Variants in ADK observed in about 807,000 individuals in gnomAD.
ADK encodes the protein N6,N6-dimethyladenosine kinase.
Under a neutral mutation model 44.7 loss-of-function variants are expected in ADK, and 24 were observed. That is an observed-to-expected ratio of 0.54 (90% CI 0.39 to 0.76). ADK has a LOEUF of 0.76. Ranked by LOEUF, ADK falls within the 30% of genes least tolerant of loss-of-function variation. The probability of loss-of-function intolerance (pLI) is 0.00; values close to 1 mark genes in which losing one functional copy is unlikely to be tolerated. For synonymous variants in ADK, 128 were observed against 142.6 expected, an observed-to-expected ratio of 0.90 and a Z score of 0.73; for missense variants, 321 against 425.1, an observed-to-expected ratio of 0.76 and a Z score of 2.15.
At chr10:74,561,948 C>T (rs895036735) in intron 7 of ADK, among the ~76,000 whole-genome samples, 1 of 152,204 alleles carries the variant, frequency 6.6e-6, no homozygotes, top group Non-Finnish European at 1.5e-5. Context: ...TCTAGAGTTA[C>T]ATTTAAGTGA....
chr10:74,648,615 T>C (rs1589331571), intron 9 of ADK, among the ~76,000 whole-genome samples: 1 of 149,406 alleles, frequency 6.7e-6, no homozygotes, highest in South Asian at 2.1e-4. Context: ...GAGGCGGAGG[T>C]TGCAGTGAGC....
chr10:74,182,705 A>G (rs1386984516), intron 1 of ADK, among the ~76,000 whole-genome samples: 2 of 152,130 alleles, frequency 1.3e-5, no homozygotes, highest in Non-Finnish European at 2.9e-5. Flanking sequence ...TAATGCTCCT[A>G]TTTATGAATA....
At chr10:74,592,489 C>G (rs1283077247) in intron 8 of ADK, among the ~76,000 whole-genome samples, 2 of 152,122 alleles carry the variant, frequency 1.3e-5, no homozygotes, top group Non-Finnish European at 2.9e-5. Context: ...TTCATTGTCT[C>G]TGCAACTGAG....
intron 7 of ADK, among the ~76,000 whole-genome samples, chr10:74,574,971 G>A (rs781329893): frequency 2.6e-5 from 4 of 152,172 alleles, no homozygotes; most frequent in Non-Finnish European, 5.9e-5. Flanking sequence ...TGAAGAAGCT[G>A]ATAAACTAGG....
intron 3 of ADK, among the ~76,000 whole-genome samples, chr10:74,230,881 C>G (rs1423139572): frequency 6.6e-6 from 1 of 151,854 alleles, no homozygotes; most frequent in East Asian, 1.9e-4. Flanking sequence ...AGGGTTTCAC[C>G]ATATTGGTCA....
intron 10 of ADK, among the ~76,000 whole-genome samples, chr10:74,695,510 G>A (rs774779430): frequency 6.6e-6 from 1 of 150,520 alleles, no homozygotes; most frequent in Non-Finnish European, 1.5e-5. Context: ...GTGTGTATGT[G>A]TGTATATATG....
intron 7 of ADK, among the ~76,000 whole-genome samples, chr10:74,550,109 C>T (rs908901939): frequency 6.8e-5 from 10 of 148,038 alleles, no homozygotes; most frequent in Admixed American, 2.7e-4. Flanking sequence ...CTCATTCTGT[C>T]GCCCAGGCTG....
chr10:74,570,413 A>G (rs1182141894), intron 7 of ADK, among the ~76,000 whole-genome samples: 1 of 152,146 alleles, frequency 6.6e-6, no homozygotes, highest in Non-Finnish European at 1.5e-5. Context: ...TGAGCATGGA[A>G]TGTTCTTCCA....
chr10:74,517,839 A>C (rs2133571862), intron 6 of ADK, among the ~76,000 whole-genome samples: 1 of 152,300 alleles, frequency 6.6e-6, no homozygotes, highest in Admixed American at 6.5e-5. Flanking sequence ...CCTTTATGGC[A>C]TTCACAAGTA....
intron 3 of ADK, among the ~76,000 whole-genome samples, chr10:74,306,453 A>C (rs1840251794): frequency 6.6e-6 from 1 of 152,156 alleles, no homozygotes; most frequent in South Asian, 2.1e-4. Context: ...ACTTCCTGTG[A>C]CTGTAACCAT....
chr10:74,262,519 C>T (rs886533271), intron 3 of ADK, among the ~76,000 whole-genome samples: 1 of 152,076 alleles, frequency 6.6e-6, no homozygotes, highest in Non-Finnish European at 1.5e-5. Flanking sequence ...TGGTGTGATA[C>T]CTCAATATTG....
chr10:74,314,880 T>C (rs988726401), intron 4 of ADK, 135 bp downstream of exon 4: 11 of 678,036 alleles, frequency 1.6e-5, no homozygotes, highest in South Asian at 1.6e-4. Context: ...TTAGTAGTCA[T>C]TGCACATCTA....
chr10:74,347,721 G>A (rs1274091070), intron 4 of ADK, among the ~76,000 whole-genome samples: 2 of 152,118 alleles, frequency 1.3e-5, no homozygotes, highest in Non-Finnish European at 2.9e-5. Flanking sequence ...TGGACCATTG[G>A]GCTTGGTAGG....
chr10:74,410,883 A>T (rs1474455227), intron 6 of ADK, among the ~76,000 whole-genome samples: 3 of 152,196 alleles, frequency 2.0e-5, no homozygotes, highest in African/African-American at 7.2e-5. Context: ...CTCTTTATAT[A>T]TAGCATTAAA....
rs1018264062 is a variant in ADK, at chr10:74,679,023, G to A, written c.964+8754G>A. ...CCACAAATCTGTGGGTTGACAGCTGGGCCTGTGCTTACCTGGACAGTTCCT... is the reference window on the plus strand; with the variant it reads ...CCACAAATCTGTGGGTTGACAGCTGAGCCTGTGCTTACCTGGACAGTTCCT... On this transcript the variant is annotated intron_variant, in intron 10 of 10. Transcript: ENST00000539909. 3.3e-5 allele frequency among the ~76,000 whole-genome samples: 5 copies of A among 152,126 alleles called. No individual in the cohort carries two copies. The East Asian group carries it at 5.8e-4, about 18-fold the overall frequency.
At chr10:74,197,468 GGCGGGTGGAT>G (rs1363524016) in intron 1 of ADK, among the ~76,000 whole-genome samples, 1 of 152,166 alleles carries the variant, frequency 6.6e-6, no homozygotes, top group Non-Finnish European at 1.5e-5. Flanking sequence ...GGAGGCCCAA[GGCGGGTGGAT>G]CATTTGAAGC....
rs565886417 is a variant in ADK, at chr10:74,707,763, C to CAA, written c.965-542_965-541dup. The stretch of plus-strand genomic sequence containing the variant: ...GGGCAACAAGAGTGGAACTCCACCT[C>CAA]AAAAAAAAAAAAAAAAAGGAAGACC... On this transcript the variant is annotated intron_variant, in intron 10 of 10. Transcript: ENST00000539909. 8.9e-3 allele frequency among the ~76,000 whole-genome samples: 929 copies of CAA among 103,920 alleles called. 26 individuals carry two copies. Among genetic ancestry groups the CAA allele is most frequent in the African/African-American group, 0.031 (795 of 25,552 alleles). 68.2% of individuals were successfully genotyped at this position (103,920 alleles called of 152,430 possible). A position where few individuals can be genotyped will look rare whatever the true frequency, so the allele number is the denominator to read the frequency against.
At chr10:74,437,972 C>T (rs1429856963) in intron 6 of ADK, among the ~76,000 whole-genome samples, 1 of 152,148 alleles carries the variant, frequency 6.6e-6, no homozygotes, top group African/African-American at 2.4e-5. Context: ...TCACTGTTTT[C>T]TAAGGGCTGA....
intron 6 of ADK, among the ~76,000 whole-genome samples, chr10:74,416,340 A>G (rs1844374108): frequency 6.6e-6 from 1 of 151,922 alleles, no homozygotes; most frequent in South Asian, 2.1e-4. Context: ...TCTTAAATCT[A>G]TCATGTGTTT....
Sources: gnomAD v4.1 joint callset for allele counts (sites outside exome capture counted in the v4.1 genomes callset) on GRCh38, gnomAD v4.1.1 for gene constraint, MANE v1.5 for transcripts, NCBI Gene and HGNC (gene_info 2026-07-23, HGNC 2026-07-21) for gene names.